Variants in EML6 observed in about 807,000 individuals in gnomAD.
EML6 encodes EMAP like 6.
Under a neutral mutation model 240.1 loss-of-function variants are expected in EML6, and 154 were observed. The ratio of observed to expected loss-of-function variants is 0.64; its 90% CI spans 0.56 to 0.73. EML6 has a LOEUF of 0.73. EML6 is among the 30% of genes least tolerant of loss of function. The probability of loss-of-function intolerance (pLI) is 0.00; values close to 1 mark genes in which losing one functional copy is unlikely to be tolerated. For synonymous variants in EML6, 1,148 were observed against 899.0 expected (o/e 1.28, Z -4.95); for missense variants, 2,964 against 2,474.6 (o/e 1.20, Z -4.20).
At chr2:54,912,371 G>T (rs1673688020) in intron 25 of EML6, among the ~76,000 whole-genome samples, 1 of 152,140 alleles carries the variant, frequency 6.6e-6, no homozygotes. Context: ...CTGGTAATTT[G>T]TTGACTGCCA....
intron 6 of EML6, among the ~76,000 whole-genome samples, chr2:54,828,516 G>C (rs1668706986): frequency 6.6e-6 from 1 of 152,204 alleles, no homozygotes; most frequent in Non-Finnish European, 1.5e-5. Context: ...CCTCCAAATT[G>C]ATTCCCTATA....
chr2:54,901,722 C>G (rs1237628833), intron 22 of EML6, among the ~76,000 whole-genome samples: 1 of 152,206 alleles, frequency 6.6e-6, no homozygotes, highest in African/African-American at 2.4e-5. Context: ...ATGAACACAG[C>G]TTTCAGCATA....
intron 10 of EML6, among the ~76,000 whole-genome samples, chr2:54,852,833 A>G (rs1670163625): frequency 6.6e-6 from 1 of 152,156 alleles, no homozygotes; most frequent in South Asian, 2.1e-4. Context: ...TTGATTTTGA[A>G]TTTTAAAATT....
At position 54,790,724 on chromosome 2, in the gene EML6, CTTTT is replaced by C. The variant is rs368684488; in HGVS notation, c.198-22492_198-22489del. Among the ~76,000 whole-genome samples the C allele has an allele frequency of 9.7e-5, 12 of 123,272 alleles. No individual in the cohort carries two copies. The East Asian group carries it at 1.9e-3, about 19-fold the overall frequency. The allele number at this position is 123,272 out of a possible 152,430, so 80.9% of individuals were successfully genotyped here. On this transcript the variant is annotated intron_variant, in intron 2 of 41. Coordinates refer to ENST00000356458, the MANE Select transcript of EML6 (RefSeq NM_001039753.4). ...AGAGGACATTGGTAACTTAATTTTCCTTTTTTTTTTTTTTTTTTTGAGACGGAGT... is the reference window on the plus strand; with the variant it reads ...AGAGGACATTGGTAACTTAATTTTCCTTTTTTTTTTTTTTTGAGACGGAGT...
intron 2 of EML6, among the ~76,000 whole-genome samples, chr2:54,730,896 C>G (rs1203826744): frequency 2.0e-5 from 3 of 152,096 alleles, no homozygotes; most frequent in Non-Finnish European, 2.9e-5. Flanking sequence ...TCTGCCGCCT[C>G]GAAGCTTACT....
At chr2:54,763,318 G>T (rs1668055083) in intron 2 of EML6, among the ~76,000 whole-genome samples, 1 of 152,122 alleles carries the variant, frequency 6.6e-6, no homozygotes, top group Admixed American at 6.5e-5. Context: ...GCATGGTTAT[G>T]TTATTCATTT....
In EML6 at chr2:54,820,422, A is replaced by G; in HGVS notation, c.485A>G (p.Gln162Arg). ...RIFDISWDPY[Q>R]PNRVVSCGVK... ...TTTGATATTTCCTGGGATCCATATC[A>G]GCCAAACAGAGTGGTTAGCTGTGGA... is the stretch of plus-strand genomic sequence containing the variant. Residue 162 changes from glutamine (Q) to arginine (R), a missense_variant, in exon 5 of 42, where the codon CAG becomes CGG. Gln to Arg is a conservative substitution (Grantham distance 43). Coordinates refer to ENST00000356458, the MANE Select transcript of EML6 (RefSeq NM_001039753.4). 6.4e-7 allele frequency: 1 copy of G among 1,550,430 alleles called. No homozygotes were observed. Among genetic ancestry groups the G allele is most frequent in the Non-Finnish European group, 8.7e-7 (1 of 1,145,962 alleles).
intron 2 of EML6, among the ~76,000 whole-genome samples, chr2:54,784,761 C>T (rs1406512177): frequency 6.6e-6 from 1 of 152,080 alleles, no homozygotes; most frequent in African/African-American, 2.4e-5. Flanking sequence ...TAAATGTGTG[C>T]ACCTATCAAC....
intron 2 of EML6, among the ~76,000 whole-genome samples, chr2:54,730,411 C>G (rs1487697868): frequency 3.3e-5 from 5 of 152,032 alleles, no homozygotes; most frequent in Non-Finnish European, 7.4e-5. Flanking sequence ...AGTCCCTTGA[C>G]CAGTTTGAAT....
chr2:54,765,740 G>A (rs1194883725), intron 2 of EML6, among the ~76,000 whole-genome samples: 2 of 152,186 alleles, frequency 1.3e-5, no homozygotes, highest in East Asian at 1.9e-4. Flanking sequence ...GATTACAGGC[G>A]TCATGCATTC....
chr2:54,959,430 A>G (rs1676393009), intron 34 of EML6, among the ~76,000 whole-genome samples, 169 bp downstream of exon 34: 1 of 152,214 alleles, frequency 6.6e-6, no homozygotes, highest in African/African-American at 2.4e-5. Context: ...CAAGATCCTC[A>G]CAAGGAAGAG....
At chr2:54,945,800 G>C (rs1342450129) in intron 28 of EML6, among the ~76,000 whole-genome samples, 2 of 152,248 alleles carry the variant, frequency 1.3e-5, no homozygotes, top group African/African-American at 2.4e-5. Context: ...GCCCGTGTCA[G>C]GATAAGACTC....
chr2:54,840,734 A>T (rs1669400102), intron 7 of EML6, among the ~76,000 whole-genome samples: 1 of 152,274 alleles, frequency 6.6e-6, no homozygotes, highest in African/African-American at 2.4e-5. Context: ...ACCACGTGAC[A>T]GTCACTGTGC....
intron 8 of EML6, among the ~76,000 whole-genome samples, chr2:54,845,296 C>G (rs192525698): frequency 6.6e-6 from 1 of 152,312 alleles, no homozygotes; most frequent in Admixed American, 6.5e-5. Context: ...ACTCACTTCT[C>G]CTTTTTTGTT....
chr2:54,793,174 G>C (rs1669553940), intron 2 of EML6, among the ~76,000 whole-genome samples: 1 of 152,148 alleles, frequency 6.6e-6, no homozygotes, highest in South Asian at 2.1e-4. Flanking sequence ...GGCTGAGGCA[G>C]GAGAATTGCT....
intron 2 of EML6, among the ~76,000 whole-genome samples, chr2:54,807,896 A>G (rs1183340694): frequency 1.3e-5 from 2 of 152,196 alleles, no homozygotes; most frequent in African/African-American, 2.4e-5. Context: ...CCATTCTTTT[A>G]TACGAAGGTA....
chr2:54,921,909 A>AT (rs1303645806), intron 26 of EML6, among the ~76,000 whole-genome samples: 4 of 152,194 alleles, frequency 2.6e-5, no homozygotes, highest in Non-Finnish European at 5.9e-5. Flanking sequence ...ATCTCACACC[A>AT]TTTAAAAAAA....
chr2:54,869,151 C>G, intron 14 of EML6, 30 bp from the exon 15 acceptor site: 1 of 1,474,922 alleles, frequency 6.8e-7, no homozygotes, highest in East Asian at 2.5e-5. Flanking sequence ...TTTGTTCAAC[C>G]ACTATGCATT....
rs533875758 is a variant in EML6 at position 54,971,345 on chromosome 2, A to G, written c.*1250A>G. Reference sequence around the variant, plus strand: ...TTCCATGTAGCTGACCAGTGACTACAGGATGTGGCTGACAGTGCTCACTGA... The same window carrying G: ...TTCCATGTAGCTGACCAGTGACTACGGGATGTGGCTGACAGTGCTCACTGA... On this transcript the variant is annotated 3_prime_UTR_variant, in exon 42 of 42. Coordinates refer to ENST00000356458, the MANE Select transcript of EML6 (RefSeq NM_001039753.4). 9 of 152,372 alleles carry G rather than the reference A, an allele frequency of 5.9e-5. No individual in the cohort carries two copies. In the East Asian group the frequency reaches 1.7e-3, roughly 29 times the overall value. The allele number at this position is 152,372 out of a possible 1,614,324, so 9.4% of individuals were successfully genotyped here.
Sources: allele counts gnomAD v4.1 joint callset (sites outside exome capture counted in the v4.1 genomes callset), GRCh38; gene constraint gnomAD v4.1.1; transcripts MANE v1.5; gene names NCBI Gene and HGNC (gene_info 2026-07-23, HGNC 2026-07-21).